The following CDH4 variants were observed in gnomAD, a reference collection of about 807,000 sequenced individuals.
CDH4 encodes cadherin 4, also known as cadherin-4.
A neutral mutation model predicts 86.0 loss-of-function variants in CDH4; 33 were observed. The observed-to-expected ratio is 0.38, with a 90% CI of 0.29 to 0.51. CDH4 has a LOEUF of 0.51. Ranked by LOEUF, CDH4 falls within the 20% of genes least tolerant of loss-of-function variation. CDH4 has a pLI of 0.86. For missense variants in CDH4, 1,114 were observed against 1,307.4 expected (o/e 0.85, Z 2.28); for synonymous variants, 555 against 549.4 (o/e 1.01, Z -0.14).
intron 2 of CDH4, among the ~76,000 whole-genome samples, chr20:61,735,761 C>G (rs923843980): frequency 6.6e-6 from 1 of 152,210 alleles, no homozygotes; most frequent in African/African-American, 2.4e-5. Flanking sequence ...TCTCTTCTTT[C>G]TTCTTTCTTT....
rs547510073 is a variant in CDH4 at position 61,818,705 on chromosome 20, A to T, written c.577-25963A>T. ...ACTAAAAATTTAAAAAAAAAAAAAA[A>T]GCGGGAAGTTGCTCTCCGCGTCTTG... On this transcript the variant is annotated intron_variant, in intron 4 of 15. Coordinates refer to ENST00000614565, the MANE Select transcript of CDH4 (RefSeq NM_001794.5). Among the ~76,000 whole-genome samples, 5 of 149,734 alleles carry T rather than the reference A, an allele frequency of 3.3e-5. No homozygotes were observed. In the South Asian group the frequency reaches 1.1e-3, roughly 32 times the overall value.
chr20:61,608,799 C>T (rs944242), intron 2 of CDH4, among the ~76,000 whole-genome samples: 103,926 of 151,960 alleles, frequency 0.68, 35,946 homozygotes, highest in East Asian at 0.78. Flanking sequence ...GCCAATGAAG[C>T]TGTCATGTGA....
chr20:61,785,421 G>A (rs1015165469), intron 4 of CDH4, among the ~76,000 whole-genome samples: 2 of 152,208 alleles, frequency 1.3e-5, no homozygotes, highest in African/African-American at 4.8e-5. Flanking sequence ...AATCGCTGCT[G>A]GAGGAGTGGA....
At position 61,723,544 on chromosome 20, in the gene CDH4, C is replaced by T. The variant is rs184043103; in HGVS notation, c.170-20019C>T. Among the ~76,000 whole-genome samples, 220 of 152,312 alleles carry T rather than the reference C, an allele frequency of 1.4e-3. 5 individuals carry two copies. The highest frequency in any genetic ancestry group is 2.5e-4 in the Non-Finnish European group (17 of 68,028). On this transcript the variant is annotated intron_variant, in intron 2 of 15. Coordinates refer to ENST00000614565, the MANE Select transcript of CDH4 (RefSeq NM_001794.5). ...GGGCACCTGAGACCCTAGGAGCTTC[C>T]ATCCTCACTTTACAGATACCCCAAG...
At chr20:61,627,922 C>T (rs1343109496) in intron 2 of CDH4, among the ~76,000 whole-genome samples, 2 of 152,090 alleles carry the variant, frequency 1.3e-5, no homozygotes, top group African/African-American at 2.4e-5. Flanking sequence ...CCCTTCCCTG[C>T]AGGCCAGCCG....
chr20:61,550,056 C>CTCCCTGGCCTCCCTAGCCTGCT (rs1441070682), intron 2 of CDH4, among the ~76,000 whole-genome samples: 2 of 148,076 alleles, frequency 1.4e-5, no homozygotes, highest in Admixed American at 6.7e-5. Flanking sequence ...CTGCCCCAAC[C>CTCCCTGGCCTCCCTAGCCTGCT]TCCCTGGCCT....
rs975299410 is a variant in CDH4, at chr20:61,269,814, G to A, written c.169+14877G>A. 6.6e-6 allele frequency among the ~76,000 whole-genome samples: 1 copy of A among 152,028 alleles called. No homozygotes were observed. Among genetic ancestry groups the A allele is most frequent in the Admixed American group, 6.5e-5 (1 of 15,270 alleles). ...TCCAGAGGCTCCCGGCGGGGAGACT[G>A]TCAGATAGCAACTCCATGTTCCCGA... On this transcript the variant is annotated intron_variant, in intron 2 of 15. Transcript: ENST00000614565. This position sits in a 1 kb window ranked among gnomAD's most constrained non-coding sequence, Gnocchi z 5.3.
chr20:61,684,014 G>T lies in CDH4; in HGVS notation c.170-59549G>T, dbSNP rs1568754021. 6.6e-6 allele frequency among the ~76,000 whole-genome samples: 1 copy of T among 152,214 alleles called. No homozygotes were observed. Among genetic ancestry groups the T allele is most frequent in the Non-Finnish European group, 1.5e-5 (1 of 68,030 alleles). ...CCAGGAGCTCCTCGTGTCTGGGGAGGTGGGCGTGGCAGGGACTACAGCCAG... is the reference window on the plus strand; with the variant it reads ...CCAGGAGCTCCTCGTGTCTGGGGAGTTGGGCGTGGCAGGGACTACAGCCAG... On this transcript the variant is annotated intron_variant, in intron 2 of 15. Transcript: ENST00000614565. The surrounding 1 kb of genome is among the most constrained non-coding windows in gnomAD (Gnocchi z 4.5).
chr20:61,617,650 G>A (rs551933465), intron 2 of CDH4, among the ~76,000 whole-genome samples: 36 of 152,352 alleles, frequency 2.4e-4, no homozygotes, highest in African/African-American at 8.4e-4. Context: ...GTGAAAAGGT[G>A]AAGCAGGGGG....
intron 2 of CDH4, among the ~76,000 whole-genome samples, chr20:61,425,433 T>C (rs1258549504): frequency 4.6e-5 from 7 of 152,078 alleles, no homozygotes; most frequent in African/African-American, 1.7e-4. Context: ...TGGGACTGGC[T>C]CCTGTCTGAA....
At chr20:61,529,203 A>G (rs145306646) in intron 2 of CDH4, among the ~76,000 whole-genome samples, 1 of 152,368 alleles carries the variant, frequency 6.6e-6, no homozygotes, top group East Asian at 1.9e-4. Flanking sequence ...GAGATCTTAG[A>G]TATCAGGAAG....
chr20:61,344,507 T>C (rs1197083919), intron 2 of CDH4, among the ~76,000 whole-genome samples: 1 of 152,190 alleles, frequency 6.6e-6, no homozygotes, highest in Non-Finnish European at 1.5e-5. Context: ...CTTATTGAAG[T>C]TGTGTCTGTT....
At position 61,810,674 on chromosome 20, in the gene CDH4, A is replaced by C. The variant is rs1980387182; in HGVS notation, c.577-33994A>C. Among the ~76,000 whole-genome samples, 1 of 152,180 alleles carries C rather than the reference A, an allele frequency of 6.6e-6. No homozygotes were observed. The highest frequency in any genetic ancestry group is 1.5e-5 in the Non-Finnish European group (1 of 68,036). ...GCCAGGAACCACTCCAGGGCTATAAAACATTTAATTTTGGAAAAAATCAGT... is the reference window on the plus strand; with the variant it reads ...GCCAGGAACCACTCCAGGGCTATAACACATTTAATTTTGGAAAAAATCAGT... On this transcript the variant is annotated intron_variant, in intron 4 of 15. Coordinates refer to ENST00000614565, the MANE Select transcript of CDH4 (RefSeq NM_001794.5). This position sits in a 1 kb window ranked among gnomAD's most constrained non-coding sequence, Gnocchi z 4.3.
intron 3 of CDH4, among the ~76,000 whole-genome samples, chr20:61,756,514 CCCCCATCCCCCTGGCCCATCA>C (rs1207396524): frequency 1.3e-5 from 2 of 150,296 alleles, no homozygotes; most frequent in East Asian, 2.0e-4. Context: ...CAGGCCCATC[CCCCCATCCCCCTGGCCCATCA>C]CCCCATCCCC....
At chr20:61,636,461 T>G (rs1443807112) in intron 2 of CDH4, among the ~76,000 whole-genome samples, 1 of 152,276 alleles carries the variant, frequency 6.6e-6, no homozygotes, top group Non-Finnish European at 1.5e-5. Flanking sequence ...GATCTTTGCT[T>G]GAATAATTCG....
At position 61,560,927 on chromosome 20, in the gene CDH4, G is replaced by A. The variant is rs555086537; in HGVS notation, c.170-182636G>A. On this transcript the variant is annotated intron_variant, in intron 2 of 15. Coordinates refer to ENST00000614565, the MANE Select transcript of CDH4 (RefSeq NM_001794.5). Reference sequence around the variant, plus strand: ...CCAACCCGGATGAGAGGGACGGGCCGGGGTCACCGCTGTGACCAGCCGTTT... The same window carrying A: ...CCAACCCGGATGAGAGGGACGGGCCAGGGTCACCGCTGTGACCAGCCGTTT... Among the ~76,000 whole-genome samples, 7 of 152,312 alleles carry A rather than the reference G, an allele frequency of 4.6e-5. No individual in the cohort carries two copies. In the East Asian group the frequency reaches 5.8e-4, roughly 13 times the overall value.
rs565141551 is a variant in CDH4 at position 61,516,059 on chromosome 20, G to A, written c.170-227504G>A. Among the ~76,000 whole-genome samples, 42 of 152,162 alleles carry A rather than the reference G, an allele frequency of 2.8e-4. No homozygotes were observed. Among genetic ancestry groups the A allele is most frequent in the Non-Finnish European group, 5.1e-4 (35 of 67,998 alleles). ...AACGCCCCCCCAATACGATTCCACC[G>A]CAGGCAGGCAGCTCCCTCACCACAG... On this transcript the variant is annotated intron_variant, in intron 2 of 15. Coordinates refer to ENST00000614565, the MANE Select transcript of CDH4 (RefSeq NM_001794.5). The surrounding 1 kb of genome is among the most constrained non-coding windows in gnomAD (Gnocchi z 4.0).
intron 7 of CDH4, among the ~76,000 whole-genome samples, chr20:61,880,032 G>A (rs372211186): frequency 5.9e-5 from 9 of 152,140 alleles, no homozygotes; most frequent in African/African-American, 9.7e-5. Context: ...CCCTCTGCCC[G>A]CCCGGTGCTG....
At chr20:61,629,329 GAGC>G (rs1481075874) in intron 2 of CDH4, among the ~76,000 whole-genome samples, 2 of 152,174 alleles carry the variant, frequency 1.3e-5, no homozygotes, top group African/African-American at 4.8e-5. Context: ...GAGTCCCTGG[GAGC>G]AGCCGGCAGG....
Sources: gnomAD v4.1 joint callset for allele counts (sites outside exome capture counted in the v4.1 genomes callset) on GRCh38, gnomAD v4.1.1 for gene constraint, Gnocchi (gnomAD v3.1) non-coding constraint, MANE v1.5 for transcripts, NCBI Gene and HGNC (gene_info 2026-07-23, HGNC 2026-07-21) for gene names.